The following TRIT1 variants were observed in gnomAD, a reference collection of about 807,000 sequenced individuals.
TRIT1 encodes tRNA dimethylallyltransferase.
TRIT1 carries 43 observed loss-of-function variants against 51.2 expected under a neutral mutation model. The observed-to-expected ratio is 0.84, with a 90% CI of 0.66 to 1.08. The LOEUF is 1.08. Among genes scored for constraint, TRIT1 ranks in the 50% least tolerant of loss-of-function variants. The probability of loss-of-function intolerance (pLI) is 0.00; values close to 1 mark genes in which losing one functional copy is unlikely to be tolerated. For synonymous variants in TRIT1, 184 were observed against 203.9 expected (o/e 0.90, Z 0.83); for missense variants, 528 against 578.4 (o/e 0.91, Z 0.89).
rs1642282087 is a variant in TRIT1 at position 39,847,262 on chromosome 1, C to T, written c.964G>A (p.Ala322Thr). 6.2e-7 allele frequency: 1 copy of T among 1,614,050 alleles called. No homozygotes were observed. Among genetic ancestry groups the T allele is most frequent in the Non-Finnish European group, 8.5e-7 (1 of 1,180,040 alleles). The change falls in exon 8 of 11, where the codon GCC (alanine) becomes ACC (threonine). Residue 322 changes from alanine (A) to threonine (T), a missense_variant. Physicochemically the swap from Ala to Thr is moderately conservative, Grantham distance 58 (BLOSUM62 0). Around this residue, in one of 3 missense-constraint regions of TRIT1, gnomAD observed 468 missense variants for 522.6 expected, o/e 0.90. Coordinates refer to ENST00000316891, the MANE Select transcript of TRIT1 (RefSeq NM_017646.6). ...EALKQVTKRY[A>T]RKQNRWVKNR... Reference sequence around the variant, plus strand: ...TTAACCCATCGGTTTTGTTTCCGGGCATATCTCTTAGTTACTTGTTTCAGA... The same window carrying T: ...TTAACCCATCGGTTTTGTTTCCGGGTATATCTCTTAGTTACTTGTTTCAGA...
intron 8 of TRIT1, 134 bp downstream of exon 8, chr1:39,847,086 A>ATATTC: frequency 1.6e-6 from 1 of 634,068 alleles, no homozygotes; most frequent in Non-Finnish European, 2.6e-6. Context: ...CATTTATGTT[A>ATATTC]TAGAACTTCC....
intron 2 of TRIT1, 77 bp downstream of exon 2, chr1:39,857,200 C>T (rs1642951035): frequency 4.7e-6 from 7 of 1,493,634 alleles, no homozygotes; most frequent in Non-Finnish European, 6.3e-6. Context: ...AAGAAATTGC[C>T]ACTAGAAAGA....
chr1:39,848,113 C>G lies in TRIT1; in HGVS notation c.704-16G>C, dbSNP rs749025150. 6.2e-7 allele frequency: 1 copy of G among 1,607,264 alleles called. No individual in the cohort carries two copies. The highest frequency in any genetic ancestry group is 8.5e-7 in the Non-Finnish European group (1 of 1,173,864). ...TCATCTAGAACTTGAATCAAATTAG[C>G]CCATCAACCAGCAAGCAAGTTGTAG... On this transcript the variant is annotated splice_polypyrimidine_tract_variant and intron_variant, in intron 5 of 10. Transcript: ENST00000316891.
rs57069259 is a variant in TRIT1, at chr1:39,850,208, C to A, written c.614G>T (p.Arg205Leu). The A allele has an allele frequency of 5.5e-4, 886 of 1,614,072 alleles. 6 individuals carry two copies. In the African/African-American group the frequency reaches 0.011, roughly 19 times the overall value. ...ACCACCACCTTCTTCCGTATGTTGA[C>A]GATGGAGAAATTCACTATGAGAGAT... is the stretch of plus-strand genomic sequence containing the variant. The part of the protein sequence containing the change: ...TGISHSEFLH[R>L]QHTEEGGGPL... The change falls in exon 5 of 11, where the codon CGT becomes CTT. Residue 205 changes from arginine to leucine, a missense_variant. Arg to Leu is a moderately radical substitution (Grantham distance 102). Around this residue, in one of 3 missense-constraint regions of TRIT1, gnomAD observed 468 missense variants for 522.6 expected, o/e 0.90. Coordinates refer to ENST00000316891, the MANE Select transcript of TRIT1 (RefSeq NM_017646.6).
chr1:39,847,243 C>T lies in TRIT1; in HGVS notation c.983G>A (p.Trp328Ter). 6.2e-7 allele frequency: 1 copy of T among 1,614,102 alleles called. No individual in the cohort carries two copies. Among genetic ancestry groups the T allele is most frequent in the African/African-American group, 1.3e-5 (1 of 75,012 alleles). Residue 328 changes from tryptophan (W) to a stop codon, truncating the protein, a stop_gained, in exon 8 of 11, where the codon TGG becomes TAG. Transcript: ENST00000316891. LOFTEE classifies it high-confidence loss of function. ...ACTGCTCAAAAAACGGTTTTTAACC[C>T]ATCGGTTTTGTTTCCGGGCATATCT... The part of the protein sequence containing the change: ...TKRYARKQNR[W>*]VKNRFLSRPG...
intron 2 of TRIT1, among the ~76,000 whole-genome samples, chr1:39,856,786 A>G (rs921757274): frequency 6.6e-6 from 1 of 152,170 alleles, no homozygotes; most frequent in Non-Finnish European, 1.5e-5. Flanking sequence ...TAACTCCATT[A>G]TATTTATAGA....
At chr1:39,874,473 T>C (rs1332115437) in intron 1 of TRIT1, among the ~76,000 whole-genome samples, 2 of 152,104 alleles carry the variant, frequency 1.3e-5, no homozygotes, top group African/African-American at 2.4e-5. Flanking sequence ...TAAAAGAAAA[T>C]AGAATAGTAT....
In TRIT1 at chr1:39,870,539, G is replaced by A. The variant is rs569182003; in HGVS notation, c.174+12779C>T. Among the ~76,000 whole-genome samples, 424 of 125,226 alleles carry A rather than the reference G, an allele frequency of 3.4e-3. 7 individuals carry two copies. Among genetic ancestry groups the A allele is most frequent in the African/African-American group, 0.013 (379 of 30,086 alleles). 82.2% of individuals were successfully genotyped at this position (125,226 alleles called of 152,430 possible). A position where few individuals can be genotyped will look rare whatever the true frequency, so the allele number is the denominator to read the frequency against. ...AAAAAAAAAAAAAAAAAAAAAAGAAGCTCAACATCATTGGTCTTTAGGGAA... is the reference window on the plus strand; with the variant it reads ...AAAAAAAAAAAAAAAAAAAAAAGAAACTCAACATCATTGGTCTTTAGGGAA... On this transcript the variant is annotated intron_variant, in intron 1 of 10. Transcript: ENST00000316891.
At chr1:39,852,302 G>A (rs1390583158) in intron 4 of TRIT1, among the ~76,000 whole-genome samples, 1 of 152,150 alleles carries the variant, frequency 6.6e-6, no homozygotes, top group Non-Finnish European at 1.5e-5. Flanking sequence ...GTGCAAAGGT[G>A]AGCTGATCTG....
At chr1:39,850,012 T>C (rs571012095) in intron 5 of TRIT1, 107 bp downstream of exon 5, 8 of 1,154,488 alleles carry the variant, frequency 6.9e-6, no homozygotes, top group Non-Finnish European at 1.0e-5. Flanking sequence ...CTAATACTTG[T>C]TTAGTGTTTA....
chr1:39,872,093 T>G (rs959507400), intron 1 of TRIT1, among the ~76,000 whole-genome samples: 1 of 130,856 alleles, frequency 7.6e-6, no homozygotes, highest in South Asian at 2.5e-4. Flanking sequence ...TTTTTTTTTG[T>G]AGAGATGGGC....
intron 1 of TRIT1, among the ~76,000 whole-genome samples, chr1:39,862,168 A>T (rs1409958666): frequency 6.6e-6 from 1 of 152,164 alleles, no homozygotes; most frequent in Non-Finnish European, 1.5e-5. Context: ...ACTGGTACAG[A>T]GTTTCATTTT....
At chr1:39,866,755 T>C (rs1046302899) in intron 1 of TRIT1, among the ~76,000 whole-genome samples, 5 of 152,122 alleles carry the variant, frequency 3.3e-5, no homozygotes, top group Admixed American at 1.3e-4. Flanking sequence ...GAGGATCGCT[T>C]GAGCTCAGGA....
chr1:39,851,232 A>T (rs939359491), intron 4 of TRIT1, among the ~76,000 whole-genome samples: 6 of 152,166 alleles, frequency 3.9e-5, no homozygotes, highest in Non-Finnish European at 5.9e-5. Context: ...CAAAAGAAAG[A>T]TTAAAAAAAA....
chr1:39,843,420 A>G (rs1557527183), intron 10 of TRIT1, among the ~76,000 whole-genome samples: 4 of 152,144 alleles, frequency 2.6e-5, no homozygotes, highest in East Asian at 1.9e-4. Flanking sequence ...TGAAAATCCA[A>G]TGATGTGTGT....
chr1:39,882,053 C>A (rs1186050533), intron 1 of TRIT1, among the ~76,000 whole-genome samples: 1 of 152,162 alleles, frequency 6.6e-6, no homozygotes, highest in African/African-American at 2.4e-5. Context: ...CATACTTTAT[C>A]TCATTTAATC....
At position 39,841,736 on chromosome 1, in the gene TRIT1, C is replaced by T. The variant is rs1641916786; in HGVS notation, c.*8G>A. ...CACCACCTTTCCAAAGGCCACTGGA[C>T]ATGTCTCTTAAACGCTGCATTTCAG... On this transcript the variant is annotated 3_prime_UTR_variant, in exon 11 of 11. Coordinates refer to ENST00000316891, the MANE Select transcript of TRIT1 (RefSeq NM_017646.6). The T allele has an allele frequency of 6.2e-7, 1 of 1,606,020 alleles. No homozygotes were observed. Among genetic ancestry groups the T allele is most frequent in the Non-Finnish European group, 8.5e-7 (1 of 1,176,942 alleles).
chr1:39,846,968 T>C (rs1365945989), intron 8 of TRIT1: 4 of 378,716 alleles, frequency 1.1e-5, no homozygotes, highest in Non-Finnish European at 1.4e-5. Context: ...GCTGTTCTTC[T>C]TAGCTGTTTG....
rs1652502051 is a variant in TRIT1 at position 39,840,134 on chromosome 1, C to T, written c.*1610G>A. On this transcript the variant is annotated 3_prime_UTR_variant, in exon 11 of 11. Coordinates refer to ENST00000316891, the MANE Select transcript of TRIT1 (RefSeq NM_017646.6). ...GTGAGAAGATAACATATAAAAACGA[C>T]TTGGCACTGCTTGGCTCACAGTAAG... Among the ~76,000 whole-genome samples, 1 of 152,156 alleles carries T rather than the reference C, an allele frequency of 6.6e-6. No individual in the cohort carries two copies. The highest frequency in any genetic ancestry group is 2.4e-5 in the African/African-American group (1 of 41,418).
Sources: gnomAD v4.1 joint callset for allele counts (sites outside exome capture counted in the v4.1 genomes callset) on GRCh38, gnomAD v4.1.1 for gene constraint, gnomAD v4.1.1 regional missense constraint, MANE v1.5 for transcripts, NCBI Gene and HGNC (gene_info 2026-07-23, HGNC 2026-07-21) for gene names.